RBFOX1: variants seen among roughly 807,000 people sequenced by gnomAD.
The protein encoded by RBFOX1 is RNA binding fox-1 homolog 1.
A neutral mutation model predicts 57.7 loss-of-function variants in RBFOX1; 8 were observed. That is an observed-to-expected ratio of 0.14 (90% CI 0.08 to 0.25). The LOEUF is 0.25. Ranked by LOEUF, RBFOX1 falls within the 10% of genes least tolerant of loss-of-function variation. The pLI is 1.00. For missense variants in RBFOX1, 611 were observed against 548.5 expected, an observed-to-expected ratio of 1.11 and a Z score of -1.14; for synonymous variants, 326 against 222.4, an observed-to-expected ratio of 1.47 and a Z score of -4.15.
At chr16:7,027,697 A>G (rs1459176511) in intron 3 of RBFOX1, among the ~76,000 whole-genome samples, 1 of 152,212 alleles carries the variant, frequency 6.6e-6, no homozygotes, top group Non-Finnish European at 1.5e-5. Context: ...CAGAAGAGGA[A>G]TAGTCAGTTT....
chr16:6,983,948 G>C (rs554277066), intron 3 of RBFOX1, among the ~76,000 whole-genome samples: 4 of 152,276 alleles, frequency 2.6e-5, no homozygotes, highest in African/African-American at 9.6e-5. Flanking sequence ...AGTTTACTAA[G>C]TGTAAAATCC....
chr16:6,694,870 C>T (rs554487845), intron 3 of RBFOX1, among the ~76,000 whole-genome samples: 40 of 151,992 alleles, frequency 2.6e-4, no homozygotes, highest in African/African-American at 9.6e-4. Context: ...GCCCTGGGAA[C>T]CACACGGCAA....
At chr16:6,431,908 T>TTG in intron 2 of RBFOX1, among the ~76,000 whole-genome samples, 1 of 97,076 alleles carries the variant, frequency 1.0e-5, no homozygotes. Context: ...TTTCTTTCTT[T>TTG]CTTTCTTTCT....
chr16:5,740,382 C>T (rs1353795189), intron 3 of RBFOX1, among the ~76,000 whole-genome samples: 1 of 152,210 alleles, frequency 6.6e-6, no homozygotes, highest in Non-Finnish European at 1.5e-5. Context: ...ACAGTCCCAG[C>T]AACAGTGATG....
intron 3 of RBFOX1, among the ~76,000 whole-genome samples, chr16:6,790,491 A>G (rs888122924): frequency 1.3e-5 from 2 of 151,938 alleles, no homozygotes; most frequent in African/African-American, 4.8e-5. Flanking sequence ...GGCGCCCTCC[A>G]TCGTTCTTTT....
intron 3 of RBFOX1, among the ~76,000 whole-genome samples, chr16:5,851,110 C>T (rs966821758): frequency 6.6e-6 from 1 of 152,190 alleles, no homozygotes; most frequent in Non-Finnish European, 1.5e-5. Context: ...GTACACTGTG[C>T]TGTGGACTTA....
At chr16:5,306,662 G>A (rs1287874770) in intron 1 of RBFOX1, among the ~76,000 whole-genome samples, 1 of 152,148 alleles carries the variant, frequency 6.6e-6, no homozygotes, top group Non-Finnish European at 1.5e-5. Flanking sequence ...CGAGTTAAAT[G>A]CACAGCAATG....
At chr16:7,136,184 A>C (rs1190957648) in intron 4 of RBFOX1, among the ~76,000 whole-genome samples, 1 of 152,204 alleles carries the variant, frequency 6.6e-6, no homozygotes, top group Non-Finnish European at 1.5e-5. Flanking sequence ...TGGCATTTCC[A>C]AGGAACAGAA....
At chr16:7,155,712 A>ATATAT (rs1555516461) in intron 4 of RBFOX1, among the ~76,000 whole-genome samples, 1 of 77,420 alleles carries the variant, frequency 1.3e-5, no homozygotes, top group Non-Finnish European at 2.3e-5. Context: ...AAAAAAAAAA[A>ATATAT]ATATATATAT....
chr16:7,266,271 G>A (rs1407910092), intron 4 of RBFOX1, among the ~76,000 whole-genome samples: 3 of 151,804 alleles, frequency 2.0e-5, no homozygotes, highest in Admixed American at 6.6e-5. Flanking sequence ...CACCGTGCCC[G>A]GCCGGTAGAG....
chr16:6,244,086 CT>C (rs2097555457), intron 1 of RBFOX1, among the ~76,000 whole-genome samples: 1 of 152,036 alleles, frequency 6.6e-6, no homozygotes, highest in African/African-American at 2.4e-5. Context: ...ATCTTGCCAT[CT>C]TTACTAAATT....
At chr16:7,219,545 A>G (rs867026084) in intron 4 of RBFOX1, among the ~76,000 whole-genome samples, 1 of 152,174 alleles carries the variant, frequency 6.6e-6, no homozygotes, top group Admixed American at 6.5e-5. Flanking sequence ...AACAAATATG[A>G]CAGACTTGCT....
At chr16:6,585,707 C>T (rs956033100) in intron 2 of RBFOX1, among the ~76,000 whole-genome samples, 1 of 151,818 alleles carries the variant, frequency 6.6e-6, no homozygotes, top group Non-Finnish European at 1.5e-5. Context: ...TAATCATGCA[C>T]CTGTTCACTG....
intron 3 of RBFOX1, among the ~76,000 whole-genome samples, chr16:6,794,628 C>T (rs1383054598): frequency 6.6e-6 from 1 of 152,086 alleles, no homozygotes; most frequent in Non-Finnish European, 1.5e-5. Context: ...AGTTTCTAGG[C>T]ATGTAAAGCG....
chr16:6,246,435 C>A (rs1464220619), intron 1 of RBFOX1, among the ~76,000 whole-genome samples: 1 of 152,244 alleles, frequency 6.6e-6, no homozygotes, highest in African/African-American at 2.4e-5. Flanking sequence ...AGTAACAGAA[C>A]CCCATGCCAG....
intron 2 of RBFOX1, among the ~76,000 whole-genome samples, chr16:6,496,016 A>G (rs1476284781): frequency 6.6e-6 from 1 of 152,220 alleles, no homozygotes; most frequent in African/African-American, 2.4e-5. Flanking sequence ...CATCTGTTGC[A>G]GTGACAGGAC....
chr16:7,207,469 G>A (rs1175304924), intron 4 of RBFOX1, among the ~76,000 whole-genome samples: 2 of 152,110 alleles, frequency 1.3e-5, no homozygotes, highest in African/African-American at 2.4e-5. Context: ...ACCACATCCA[G>A]TGCAACCCCC....
At chr16:6,971,486 A>AAGAG (rs200603021) in intron 3 of RBFOX1, among the ~76,000 whole-genome samples, 18 of 138,606 alleles carry the variant, frequency 1.3e-4, no homozygotes, top group African/African-American at 3.5e-4. Context: ...TTGCAATATG[A>AAGAG]AGAGAGAGAG....
chr16:6,746,096 A>G (rs1024942010), intron 3 of RBFOX1, among the ~76,000 whole-genome samples: 3 of 152,204 alleles, frequency 2.0e-5, no homozygotes, highest in Admixed American at 1.3e-4. Context: ...CCTTAAAACT[A>G]CAGAATAGCT....
Sources: gnomAD v4.1 joint callset for allele counts (sites outside exome capture counted in the v4.1 genomes callset) on GRCh38, gnomAD v4.1.1 for gene constraint, MANE v1.5 for transcripts, NCBI Gene and HGNC (gene_info 2026-07-23, HGNC 2026-07-21) for gene names.